The following CNST variants were observed in gnomAD, a reference collection of about 807,000 sequenced individuals.
The protein encoded by CNST is consortin, connexin sorting protein, also known as consortin.
CNST carries 39 observed loss-of-function variants against 72.4 expected under a neutral mutation model. The ratio of observed to expected loss-of-function variants is 0.54; its 90% confidence interval spans 0.42 to 0.70. The LOEUF is 0.70. Among genes scored for constraint, CNST ranks in the 30% least tolerant of loss-of-function variants. CNST has a pLI of 0.00. For synonymous variants in CNST, 332 were observed against 320.1 expected, an observed-to-expected ratio of 1.04 and a Z score of -0.40; for missense variants, 871 against 868.5, an observed-to-expected ratio of 1.00 and a Z score of -0.04.
In CNST at chr1:246,659,692, A is replaced by C. The variant is rs1666979692; in HGVS notation, c.1837-507A>C. 3.9e-5 allele frequency among the ~76,000 whole-genome samples: 6 copies of C among 152,342 alleles called. 1 individual carries two copies. The South Asian group carries it at 1.2e-3, about 32-fold the overall frequency. ...GTAGAGCATTATTTAGTAAATGCGT[A>C]GTTTCTCAGAGAAACTGAGGACAAC... On this transcript the variant is annotated intron_variant, in intron 9 of 10. Coordinates refer to ENST00000366513, the MANE Select transcript of CNST (RefSeq NM_152609.3).
intron 6 of CNST, among the ~76,000 whole-genome samples, chr1:246,634,970 G>GGGGTAGGTGTCTTCCGGCCA (rs1323458001): frequency 4.9e-5 from 6 of 123,482 alleles, no homozygotes; most frequent in Admixed American, 2.9e-4. Flanking sequence ...TCTTCCGGCC[G>GGGGTAGGTGTCTTCCGGCCA]GGGTGCGTGT....
intron 3 of CNST, among the ~76,000 whole-genome samples, chr1:246,630,757 T>C (rs1199986663): frequency 1.3e-5 from 2 of 152,210 alleles, no homozygotes; most frequent in Non-Finnish European, 2.9e-5. Flanking sequence ...GTTTTGGTTT[T>C]TTTTTGAGAC....
intron 3 of CNST, among the ~76,000 whole-genome samples, chr1:246,630,848 C>T (rs534273434): frequency 1.4e-4 from 22 of 152,082 alleles, no homozygotes; most frequent in East Asian, 1.4e-3. Context: ...CAGGTTCAAG[C>T]GATTCTTCTG....
At chr1:246,601,660 G>A (rs61852377) in intron 2 of CNST, among the ~76,000 whole-genome samples, 6,627 of 152,174 alleles carry the variant, frequency 0.044, 193 homozygotes, top group Middle Eastern at 0.085. Flanking sequence ...TGGGCGTGGT[G>A]GCACATGCCT....
rs181853372 is a variant in CNST, at chr1:246,642,244, T to C, written c.937+207T>C. On this transcript the variant is annotated intron_variant, in intron 8 of 10. Coordinates refer to ENST00000366513, the MANE Select transcript of CNST (RefSeq NM_152609.3). ...GTAGCTCCACATTTTAGACATCTAT[T>C]AGTAGATACCATAAAATCTAAGTTC... is the stretch of plus-strand genomic sequence containing the variant. Among the ~76,000 whole-genome samples, 311 of 151,482 alleles carry C rather than the reference T, an allele frequency of 2.1e-3. 3 individuals carry two copies. The highest frequency in any genetic ancestry group is 6.5e-3 in the African/African-American group (266 of 41,092).
chr1:246,621,721 G>A (rs1405272730), intron 3 of CNST, 87 bp downstream of exon 3: 28 of 1,164,324 alleles, frequency 2.4e-5, no homozygotes, highest in African/African-American at 9.1e-5. Flanking sequence ...TTGGCTGGGC[G>A]CAGTGGCTCA....
At chr1:246,614,623 C>T (rs539994156) in intron 2 of CNST, among the ~76,000 whole-genome samples, 5 of 152,118 alleles carry the variant, frequency 3.3e-5, no homozygotes, top group South Asian at 4.2e-4. Context: ...AGGCATGCGC[C>T]GCCACGCCCA....
intron 1 of CNST, among the ~76,000 whole-genome samples, chr1:246,590,281 C>T (rs965768817): frequency 2.6e-5 from 4 of 152,114 alleles, no homozygotes; most frequent in African/African-American, 9.7e-5. Context: ...CAGAAAGTTT[C>T]GCAGGGCTTC....
chr1:246,603,690 A>G (rs1662467636), intron 2 of CNST, among the ~76,000 whole-genome samples: 1 of 152,208 alleles, frequency 6.6e-6, no homozygotes, highest in Admixed American at 6.5e-5. Flanking sequence ...TGCTAAGTGA[A>G]AGAGGACATA....
At chr1:246,582,421 T>C (rs1309621701) in intron 1 of CNST, among the ~76,000 whole-genome samples, 2 of 151,492 alleles carry the variant, frequency 1.3e-5, no homozygotes, top group East Asian at 1.9e-4. Context: ...TGATCCCGGC[T>C]CCCTGCAACC....
At chr1:246,636,684 G>A (rs1452807791) in intron 6 of CNST, among the ~76,000 whole-genome samples, 1 of 152,198 alleles carries the variant, frequency 6.6e-6, no homozygotes, top group African/African-American at 2.4e-5. Context: ...TTTTGGTGAA[G>A]CAAAGCCACT....
chr1:246,605,767 TA>T (rs1662719594), intron 2 of CNST: 1 of 105,384 alleles, frequency 9.5e-6, no homozygotes, highest in African/African-American at 3.5e-5. Context: ...CCGGCCGGGG[TA>T]GGTGTCTTCC....
intron 1 of CNST, among the ~76,000 whole-genome samples, chr1:246,580,750 T>C (rs1367486299): frequency 2.0e-5 from 3 of 152,160 alleles, no homozygotes; most frequent in Non-Finnish European, 4.4e-5. Context: ...TCTTTTTTTT[T>C]CTTTTTTTTT....
chr1:246,616,495 C>T (rs542080363), intron 2 of CNST, among the ~76,000 whole-genome samples: 1 of 152,186 alleles, frequency 6.6e-6, no homozygotes, highest in South Asian at 2.1e-4. Flanking sequence ...GAGGTTGAGG[C>T]TTCAGTGAGT....
intron 6 of CNST, among the ~76,000 whole-genome samples, chr1:246,639,183 C>G (rs3124084): frequency 0.44 from 66,021 of 151,674 alleles, 16,066 homozygotes; most frequent in Non-Finnish European, 0.54. Context: ...AACTCCACGC[C>G]GTTCGTCGGG....
intron 2 of CNST, among the ~76,000 whole-genome samples, chr1:246,609,558 C>T (rs1663162371): frequency 1.3e-5 from 2 of 152,050 alleles, no homozygotes; most frequent in African/African-American, 4.8e-5. Flanking sequence ...GCCTGGGCAA[C>T]AAGAACGGAA....
chr1:246,589,161 A>G (rs1240111324), intron 1 of CNST, among the ~76,000 whole-genome samples: 1 of 151,934 alleles, frequency 6.6e-6, no homozygotes, highest in Non-Finnish European at 1.5e-5. Flanking sequence ...CATGTGCACA[A>G]TGTGCAGGTT....
chr1:246,611,647 T>C (rs1002584829), intron 2 of CNST, among the ~76,000 whole-genome samples: 1 of 152,096 alleles, frequency 6.6e-6, no homozygotes, highest in Non-Finnish European at 1.5e-5. Flanking sequence ...AAGACACTGG[T>C]TGAGATAGAG....
intron 8 of CNST, among the ~76,000 whole-genome samples, chr1:246,642,343 A>C (rs1307386735): frequency 6.6e-6 from 1 of 152,156 alleles, no homozygotes; most frequent in Admixed American, 6.5e-5. Context: ...AAGGTTGTAC[A>C]AAATGCTCTG....
Sources: gnomAD v4.1 joint callset for allele counts (sites outside exome capture counted in the v4.1 genomes callset) on GRCh38, gnomAD v4.1.1 for gene constraint, MANE v1.5 for transcripts, NCBI Gene and HGNC (gene_info 2026-07-23, HGNC 2026-07-21) for gene names.